Variants in PPFIA4 observed in about 807,000 individuals in gnomAD.
PPFIA4 encodes liprin-alpha-4.
Under a neutral mutation model 145.7 loss-of-function variants are expected in PPFIA4, and 98 were observed. The ratio of observed to expected loss-of-function variants is 0.67; its 90% CI spans 0.57 to 0.80. The LOEUF is 0.80. PPFIA4 is among the 30% of genes least tolerant of loss of function. The pLI, the probability that PPFIA4 is intolerant of heterozygous loss-of-function variation, is 0.00. For missense variants in PPFIA4, 1,457 were observed against 1,632.7 expected (o/e 0.89, Z 1.85); for synonymous variants, 628 against 649.6 (o/e 0.97, Z 0.51).
chr1:203,039,042 G>A lies in PPFIA4; in HGVS notation c.34G>A (p.Asp12Asn), dbSNP rs749194699. Reference protein sequence around the residue: ...CEVMPTINEGDRLGPPHGADA... With the variant: ...CEVMPTINEGNRLGPPHGADA... ...GGTGATGCCCACAATCAATGAGGGG[G>A]ACCGCCTGGGTCCCCCTCATGGCGC... Residue 12 changes from aspartate (D) to asparagine (N), a missense_variant, in exon 2 of 30, where the codon GAC becomes AAC. By Grantham distance (23) the Asp-to-Asn change is conservative (BLOSUM62 1). Around this residue, in one of 3 missense-constraint regions of PPFIA4, gnomAD observed 463 missense variants for 459.8 expected, o/e 1.01. Coordinates refer to ENST00000295706, the MANE Select transcript of PPFIA4 (RefSeq NM_001304331.2). 6.4e-7 allele frequency: 1 copy of A among 1,574,298 alleles called. No homozygotes were observed.
At chr1:203,047,917 G>A (rs1286866193) in intron 9 of PPFIA4, among the ~76,000 whole-genome samples, 3 of 152,232 alleles carry the variant, frequency 2.0e-5, no homozygotes, top group African/African-American at 7.2e-5. Flanking sequence ...GGTAGCTCAT[G>A]CTTTCAAGTG....
chr1:203,052,895 T>G (rs4245712), intron 14 of PPFIA4, among the ~76,000 whole-genome samples: 81,608 of 152,114 alleles, frequency 0.54, 22,089 homozygotes, highest in Middle Eastern at 0.56. Context: ...AGACTGTCTA[T>G]TCAGGCCTGC....
rs749028687 is a variant in PPFIA4 at position 203,043,499 on chromosome 1, G to C, written c.336+1G>C. ...GAAAGCAGAACGGAATAACACACGG[G>C]TAAGTGGGGATGACCTTGTGTCGCG... On this transcript the variant is annotated splice_donor_variant, in intron 3 of 29. Transcript: ENST00000295706. LOFTEE classifies it high-confidence loss of function. This position sits in a 1 kb window ranked among gnomAD's most constrained non-coding sequence, Gnocchi z 4.4. 5 of 1,605,464 alleles carry C rather than the reference G, an allele frequency of 3.1e-6. No individual in the cohort carries two copies. In the South Asian group the frequency reaches 5.6e-5, roughly 18 times the overall value.
chr1:203,031,097 G>A (rs552903372), intron 1 of PPFIA4, among the ~76,000 whole-genome samples: 7 of 151,862 alleles, frequency 4.6e-5, no homozygotes, highest in East Asian at 1.9e-4. Context: ...TCTCCCTATT[G>A]CCCAGGCTGG....
In PPFIA4 at chr1:203,046,003, G is replaced by T. The variant is rs1261852700; in HGVS notation, c.1005+16G>T. ...GCACCGCCAGGTACCTCCTCAGGGT[G>T]GGGTGGGGATGGGCATTGTACTTAG... On this transcript the variant is annotated intron_variant, in intron 8 of 29. Transcript: ENST00000295706. 4 of 1,612,276 alleles carry T rather than the reference G, an allele frequency of 2.5e-6. No individual in the cohort carries two copies. The South Asian group carries it at 3.3e-5, about 13-fold the overall frequency.
rs748741467 is a variant in PPFIA4 at position 203,048,718 on chromosome 1, C to T, written c.1356+4C>T. On this transcript the variant is annotated splice_donor_region_variant and intron_variant, in intron 11 of 29. Coordinates refer to ENST00000295706, the MANE Select transcript of PPFIA4 (RefSeq NM_001304331.2). The surrounding 1 kb of genome is among the most constrained non-coding windows in gnomAD (Gnocchi z 5.8). ...CATGGCTGCCCTGGAGGAGAAGGTG[C>T]CCAGAGGGGCGGGGTTGGGATGCGA... is the stretch of plus-strand genomic sequence containing the variant. 2.5e-6 allele frequency: 4 copies of T among 1,610,580 alleles called. No individual in the cohort carries two copies. The highest frequency in any genetic ancestry group is 3.3e-5 in the Admixed American group (2 of 59,812).
Position 203,048,345 on chromosome 1 carries a change from C to T in PPFIA4, c.1224+35C>T. On this transcript the variant is annotated intron_variant, in intron 10 of 29. Transcript: ENST00000295706. The surrounding 1 kb of genome is among the most constrained non-coding windows in gnomAD (Gnocchi z 5.8). The stretch of plus-strand genomic sequence containing the variant: ...CCAGGCCGGGCCCTCAGGCCCCCTC[C>T]TTCCCGCAGGACAGGCTCCCAGGGC... 2.5e-6 allele frequency: 4 copies of T among 1,601,138 alleles called. No individual in the cohort carries two copies. Among genetic ancestry groups the T allele is most frequent in the Non-Finnish European group, 3.4e-6 (4 of 1,173,512 alleles).
intron 1 of PPFIA4, among the ~76,000 whole-genome samples, chr1:203,032,041 C>CGTCTGTGTGTGT (rs1658870770): frequency 6.8e-6 from 1 of 146,350 alleles, no homozygotes; most frequent in African/African-American, 2.5e-5. Flanking sequence ...TCTGAGAGAA[C>CGTCTGTGTGTGT]GTGTGTGTGT....
Position 203,076,219 on chromosome 1 carries a change from C to T in PPFIA4, c.3575-122C>T. 4 of 1,110,054 alleles carry T rather than the reference C, an allele frequency of 3.6e-6. No homozygotes were observed. In the South Asian group the frequency reaches 3.9e-5, roughly 11 times the overall value. 68.8% of individuals were successfully genotyped at this position (1,110,054 alleles called of 1,614,324 possible). A position where few individuals can be genotyped will look rare whatever the true frequency, so the allele number is the denominator to read the frequency against. ...GCTTGCCCCTTCCTGCTTCGTCTGGCCTGGGGCGCTTTGCGCTTGGAGCAC... is the reference window on the plus strand; with the variant it reads ...GCTTGCCCCTTCCTGCTTCGTCTGGTCTGGGGCGCTTTGCGCTTGGAGCAC... On this transcript the variant is annotated intron_variant, in intron 29 of 29. Coordinates refer to ENST00000295706, the MANE Select transcript of PPFIA4 (RefSeq NM_001304331.2).
At chr1:203,028,139 A>G (rs1367281159) in intron 1 of PPFIA4, among the ~76,000 whole-genome samples, 2 of 152,192 alleles carry the variant, frequency 1.3e-5, no homozygotes, top group East Asian at 3.8e-4. Flanking sequence ...GGGAGACGCC[A>G]TCTCTGGAAG....
At chr1:203,065,081 G>A (rs1661640911) in intron 25 of PPFIA4, among the ~76,000 whole-genome samples, 1 of 152,220 alleles carries the variant, frequency 6.6e-6, no homozygotes, top group Non-Finnish European at 1.5e-5. Flanking sequence ...GTTAAATCTG[G>A]AAGGGATCTT....
At chr1:203,047,910 A>G (rs75137787) in intron 9 of PPFIA4, among the ~76,000 whole-genome samples, 188 of 152,352 alleles carry the variant, frequency 1.2e-3, no homozygotes, top group Middle Eastern at 6.8e-3. Context: ...GGTTTATGGT[A>G]GCTCATGCTT....
At chr1:203,030,205 A>G (rs1486174934) in intron 1 of PPFIA4, among the ~76,000 whole-genome samples, 1 of 151,578 alleles carries the variant, frequency 6.6e-6, no homozygotes, top group Non-Finnish European at 1.5e-5. Flanking sequence ...GCTGCCAGGG[A>G]TGTTGTGAAA....
rs779337961 is a variant in PPFIA4, at chr1:203,067,745, G to T, written c.3101G>T (p.Arg1034Leu). 2.5e-6 allele frequency: 4 copies of T among 1,613,832 alleles called. No individual in the cohort carries two copies. The highest frequency in any genetic ancestry group is 3.4e-6 in the Non-Finnish European group (4 of 1,179,858). ...IMCLKRLNYD[R>L]KELEKRREES... is the part of the protein sequence containing the mutation. ...TGTCTGAAGAGGCTGAATTATGACC[G>T]GAAGGAGCTGGAGAAGAGGCGAGAG... The change falls in exon 26 of 30, where the codon CGG (arginine) becomes CTG (leucine). Residue 1034 changes from arginine to leucine, a missense_variant. Transcript: ENST00000295706.
In PPFIA4 at chr1:203,060,477, G is replaced by T; in HGVS notation, c.2784+60G>T. 6.4e-7 allele frequency: 1 copy of T among 1,562,138 alleles called. No individual in the cohort carries two copies. The highest frequency in any genetic ancestry group is 2.2e-5 in the East Asian group (1 of 44,586). On this transcript the variant is annotated intron_variant, in intron 22 of 29. Transcript: ENST00000295706. The surrounding 1 kb of genome is among the most constrained non-coding windows in gnomAD (Gnocchi z 4.8). ...GAGGTCCTGGAACATAGTTTGCAAG[G>T]TCTCCTGTTGGGCTTTGGGAAGATG...
Position 203,048,672 on chromosome 1 carries a change from G to A in PPFIA4, c.1314G>A (p.Leu438=). The A allele has an allele frequency of 6.2e-7, 1 of 1,610,148 alleles. No homozygotes were observed. Among genetic ancestry groups the A allele is most frequent in the Non-Finnish European group, 8.5e-7 (1 of 1,178,896 alleles). The change falls in exon 11 of 30, where the codon CTG becomes CTA. Residue 438 remains leucine (L), a synonymous_variant. Transcript: ENST00000295706. The surrounding 1 kb of genome is among the most constrained non-coding windows in gnomAD (Gnocchi z 5.8). The part of the protein sequence containing the change: ...DRLLSESNER[L]QLHLKERMAA... ...TGCTCAGCGAGTCCAACGAGCGTCT[G>A]CAGCTCCACCTGAAGGAGCGCATGG... is the stretch of plus-strand genomic sequence containing the variant.
chr1:203,044,814 G>T (rs998719139), intron 6 of PPFIA4, 29 bp downstream of exon 6: 5 of 1,546,556 alleles, frequency 3.2e-6, no homozygotes, highest in Non-Finnish European at 4.4e-6. Context: ...TGTAGCAGGG[G>T]TCATGTGTTC....
intron 27 of PPFIA4, among the ~76,000 whole-genome samples, chr1:203,070,711 C>T (rs1210248968): frequency 6.6e-6 from 1 of 151,900 alleles, no homozygotes; most frequent in African/African-American, 2.4e-5. Flanking sequence ...AGTCTGTATG[C>T]ACACAGCCCA....
At chr1:203,054,083 G>A in intron 15 of PPFIA4, 122 bp downstream of exon 15, 1 of 1,156,676 alleles carries the variant, frequency 8.6e-7, no homozygotes, top group South Asian at 1.3e-5. Context: ...CCACAGTTCA[G>A]GGACCCTCTG....
Sources: gnomAD v4.1 joint callset for allele counts (sites outside exome capture counted in the v4.1 genomes callset) on GRCh38, gnomAD v4.1.1 for gene constraint, gnomAD v4.1.1 regional missense constraint, Gnocchi (gnomAD v3.1) non-coding constraint, MANE v1.5 for transcripts, NCBI Gene and HGNC (gene_info 2026-07-23, HGNC 2026-07-21) for gene names.